ANTXR1: variants seen among roughly 807,000 people sequenced by gnomAD.
The protein encoded by ANTXR1 is anthrax toxin receptor 1.
ANTXR1 carries 19 observed loss-of-function variants against 78.1 expected under a neutral mutation model. That is an observed-to-expected ratio of 0.24 (90% CI 0.17 to 0.36). ANTXR1 has a LOEUF of 0.36. Ranked by LOEUF, ANTXR1 falls within the 10% of genes least tolerant of loss-of-function variation. ANTXR1 has a pLI of 1.00. For missense variants in ANTXR1, 518 were observed against 718.6 expected (o/e 0.72, Z 3.19); for synonymous variants, 273 against 260.5 (o/e 1.05, Z -0.46).
intron 16 of ANTXR1, among the ~76,000 whole-genome samples, chr2:69,192,838 C>G (rs939528568): frequency 1.3e-5 from 2 of 152,140 alleles, no homozygotes; most frequent in African/African-American, 4.8e-5. Context: ...AGCTGCTGAG[C>G]AAGCCTAGAA....
chr2:69,136,596 G>A (rs2104407051), intron 12 of ANTXR1, among the ~76,000 whole-genome samples: 1 of 152,324 alleles, frequency 6.6e-6, no homozygotes, highest in Admixed American at 6.5e-5. Flanking sequence ...CAATTATGAA[G>A]ATGCCAAAAC....
intron 12 of ANTXR1, among the ~76,000 whole-genome samples, chr2:69,133,861 A>G (rs975937675): frequency 6.6e-6 from 1 of 152,198 alleles, no homozygotes; most frequent in Non-Finnish European, 1.5e-5. Context: ...GAAAGACTTG[A>G]GAGGAAAAGT....
intron 17 of ANTXR1, among the ~76,000 whole-genome samples, chr2:69,229,063 G>A (rs1675529234): frequency 6.6e-6 from 1 of 152,020 alleles, no homozygotes; most frequent in African/African-American, 2.4e-5. Flanking sequence ...CTTCTTCTAA[G>A]GGGACCAACC....
intron 8 of ANTXR1, among the ~76,000 whole-genome samples, chr2:69,078,759 G>A (rs1257922681): frequency 6.6e-6 from 1 of 152,132 alleles, no homozygotes; most frequent in Non-Finnish European, 1.5e-5. Context: ...AGGCACTCAA[G>A]GCATATGAAT....
At chr2:69,081,217 A>G (rs1479473076) in intron 8 of ANTXR1, among the ~76,000 whole-genome samples, 1 of 152,210 alleles carries the variant, frequency 6.6e-6, no homozygotes, top group African/African-American at 2.4e-5. Flanking sequence ...CCCTCTTATA[A>G]TGGTGGAGTG....
intron 17 of ANTXR1, among the ~76,000 whole-genome samples, chr2:69,235,155 T>C (rs1675724234): frequency 6.6e-6 from 1 of 151,550 alleles, no homozygotes; most frequent in Non-Finnish European, 1.5e-5. Flanking sequence ...TCCTAAGTAG[T>C]TGGGATTACA....
chr2:69,060,080 T>C (rs1415903287), intron 3 of ANTXR1, among the ~76,000 whole-genome samples: 1 of 152,228 alleles, frequency 6.6e-6, no homozygotes, highest in Admixed American at 6.5e-5. Context: ...GATGGGCTCC[T>C]CTTTGTCAGC....
chr2:69,233,479 AATG>A (rs1463238675), intron 17 of ANTXR1, among the ~76,000 whole-genome samples: 2 of 151,904 alleles, frequency 1.3e-5, no homozygotes, highest in African/African-American at 2.4e-5. Flanking sequence ...GGAAAAATAT[AATG>A]ATCTTGATAT....
chr2:69,028,689 C>T (rs1303237310), intron 1 of ANTXR1, among the ~76,000 whole-genome samples: 1 of 152,006 alleles, frequency 6.6e-6, no homozygotes, highest in Non-Finnish European at 1.5e-5. Context: ...ATAGTATTTT[C>T]AATAAATTTT....
At chr2:69,217,270 T>C (rs1332774506) in intron 17 of ANTXR1, among the ~76,000 whole-genome samples, 1 of 152,224 alleles carries the variant, frequency 6.6e-6, no homozygotes, top group Admixed American at 6.5e-5. Context: ...CTCCCATCCC[T>C]GCTGCTGGCC....
At chr2:69,238,137 A>G (rs1229043874) in intron 17 of ANTXR1, among the ~76,000 whole-genome samples, 1 of 147,716 alleles carries the variant, frequency 6.8e-6, no homozygotes, top group Non-Finnish European at 1.5e-5. Context: ...AGTCCTGACT[A>G]ACTAACTACC....
chr2:69,130,801 C>A (rs1031352116), intron 12 of ANTXR1, among the ~76,000 whole-genome samples: 1 of 152,172 alleles, frequency 6.6e-6, no homozygotes, highest in African/African-American at 2.4e-5. Context: ...GATTAAGAAG[C>A]ATGCTCCTTT....
At chr2:69,113,588 C>G (rs1450399943) in intron 10 of ANTXR1, among the ~76,000 whole-genome samples, 1 of 152,190 alleles carries the variant, frequency 6.6e-6, no homozygotes, top group African/African-American at 2.4e-5. Flanking sequence ...CTTCCCACCT[C>G]TCCTCTGAGT....
chr2:69,165,676 G>A (rs372617151), intron 13 of ANTXR1, among the ~76,000 whole-genome samples: 4 of 152,242 alleles, frequency 2.6e-5, no homozygotes, highest in Non-Finnish European at 4.4e-5. Flanking sequence ...CAAACGGAAC[G>A]TCTAGTGAGC....
In ANTXR1 at chr2:69,030,461, G is replaced by A. The variant is rs1354520437; in HGVS notation, c.153-9583G>A. On this transcript the variant is annotated intron_variant, in intron 1 of 17. Coordinates refer to ENST00000303714, the MANE Select transcript of ANTXR1 (RefSeq NM_032208.3). ...TTAAATTTTAAATTAAATACATATT[G>A]TTAAAAAACTAACAGTATAGTAAAG... 1.2e-4 allele frequency among the ~76,000 whole-genome samples: 19 copies of A among 152,180 alleles called. 1 individual carries two copies. The highest frequency in any genetic ancestry group is 2.6e-4 in the Non-Finnish European group (18 of 67,998).
At chr2:69,152,105 T>C (rs1673414321) in intron 12 of ANTXR1, 64 bp from the exon 13 acceptor site, 1 of 1,496,688 alleles carries the variant, frequency 6.7e-7, no homozygotes, top group Non-Finnish European at 9.3e-7. Context: ...TGATGGGAGT[T>C]TGGGGAGGGA....
Position 69,103,693 on chromosome 2 carries a change from A to T in ANTXR1, c.802+753A>T, listed in dbSNP as rs187256070. The T allele has an allele frequency of 2.0e-3, 309 of 156,324 alleles. 1 individual carries two copies. Among genetic ancestry groups the T allele is most frequent in the Admixed American group, 5.1e-3 (80 of 15,564 alleles). 9.7% of individuals were successfully genotyped at this position (156,324 alleles called of 1,614,324 possible). A position where few individuals can be genotyped will look rare whatever the true frequency, so the allele number is the denominator to read the frequency against. ...GAGAGATGGGGAAGATGATTATATGAGGGACAGATGCCAGAAGCACTGGTT... is the reference window on the plus strand; with the variant it reads ...GAGAGATGGGGAAGATGATTATATGTGGGACAGATGCCAGAAGCACTGGTT... On this transcript the variant is annotated intron_variant, in intron 10 of 17. Coordinates refer to ENST00000303714, the MANE Select transcript of ANTXR1 (RefSeq NM_032208.3).
intron 10 of ANTXR1, among the ~76,000 whole-genome samples, chr2:69,116,062 C>A (rs1236754491): frequency 2.0e-5 from 3 of 152,332 alleles, no homozygotes; most frequent in African/African-American, 4.8e-5. Flanking sequence ...CACTGTTCAG[C>A]CTGTCCAAGT....
At chr2:69,054,403 C>T (rs973268782) in intron 3 of ANTXR1, among the ~76,000 whole-genome samples, 10 of 152,176 alleles carry the variant, frequency 6.6e-5, no homozygotes, top group African/African-American at 2.4e-4. Context: ...TTCCCCGAGG[C>T]AGCCTATGCC....
Sources: allele counts gnomAD v4.1 joint callset (sites outside exome capture counted in the v4.1 genomes callset), GRCh38; gene constraint gnomAD v4.1.1; transcripts MANE v1.5; gene names NCBI Gene and HGNC (gene_info 2026-07-23, HGNC 2026-07-21).